Variants in MBP observed in about 807,000 individuals in gnomAD.
The protein encoded by MBP is myelin basic protein.
MBP carries 16 observed loss-of-function variants against 35.8 expected under a neutral mutation model. The ratio of observed to expected loss-of-function variants is 0.45; its 90% CI spans 0.30 to 0.68. The LOEUF (loss-of-function observed/expected upper bound fraction) is 0.68. Among genes scored for constraint, MBP ranks in the 30% least tolerant of loss-of-function variants. The probability of loss-of-function intolerance (pLI) is 0.08; values close to 1 mark genes in which losing one functional copy is unlikely to be tolerated. For missense variants in MBP, 380 were observed against 404.7 expected (o/e 0.94, Z 0.52); for synonymous variants, 143 against 159.6 (o/e 0.90, Z 0.78).
At chr18:76,987,265 T>G (rs1969611207) in intron 7 of MBP, 41 of 985,478 alleles carry the variant, frequency 4.2e-5, no homozygotes, top group Non-Finnish European at 4.8e-5. Context: ...ATTTCATTCT[T>G]CTATCATCTT....
At chr18:77,040,785 A>G (rs1478100503) in intron 3 of MBP, among the ~76,000 whole-genome samples, 1 of 152,260 alleles carries the variant, frequency 6.6e-6, no homozygotes, top group Admixed American at 6.5e-5. Flanking sequence ...TTAATTCAAG[A>G]TGGATTAAAG....
intron 3 of MBP, among the ~76,000 whole-genome samples, chr18:77,058,910 C>G (rs1184343691): frequency 1.3e-5 from 2 of 152,216 alleles, no homozygotes; most frequent in Non-Finnish European, 2.9e-5. Flanking sequence ...GAAAACACCT[C>G]CACCATATGG....
Position 77,020,375 on chromosome 18 carries a change from T to C in MBP, c.140-3107A>G, listed in dbSNP as rs1971942998. ...AGTGAGCAGTGGACAGATATTCTTCTACGTCGGTTTCCACAAAGGACCTCT... is the reference window on the plus strand; with the variant it reads ...AGTGAGCAGTGGACAGATATTCTTCCACGTCGGTTTCCACAAAGGACCTCT... On this transcript the variant is annotated intron_variant, in intron 3 of 8. Coordinates refer to ENST00000355994, the MANE Select transcript of MBP (RefSeq NM_001025101.2). This position sits in a 1 kb window ranked among gnomAD's most constrained non-coding sequence, Gnocchi z 4.1. Among the ~76,000 whole-genome samples, 1 of 152,194 alleles carries C rather than the reference T, an allele frequency of 6.6e-6. No individual in the cohort carries two copies. The highest frequency in any genetic ancestry group is 6.5e-5 in the Admixed American group (1 of 15,282).
intron 1 of MBP, among the ~76,000 whole-genome samples, chr18:77,118,736 TCA>T (rs902853404): frequency 1.5e-4 from 15 of 99,630 alleles, no homozygotes; most frequent in Non-Finnish European, 1.0e-4. Context: ...CACACACCCT[TCA>T]CAGACACCAC....
intron 3 of MBP, among the ~76,000 whole-genome samples, chr18:77,033,853 T>C (rs1972641654): frequency 6.6e-6 from 1 of 151,568 alleles, no homozygotes; most frequent in African/African-American, 2.4e-5. Flanking sequence ...CATCCATCCA[T>C]CCACATATCC....
rs549235280 is a variant in MBP at position 77,101,879 on chromosome 18, G to A, written c.51+3332C>T. 6.6e-6 allele frequency among the ~76,000 whole-genome samples: 1 copy of A among 152,264 alleles called. No homozygotes were observed. The highest frequency in any genetic ancestry group is 2.4e-5 in the African/African-American group (1 of 41,550). ...CCAACGGCACCTAAAGCCTGCTCAG[G>A]AAACTGAGCTTTTATGTGAAAAAGA... On this transcript the variant is annotated intron_variant, in intron 2 of 8. Coordinates refer to ENST00000355994, the MANE Select transcript of MBP (RefSeq NM_001025101.2). The surrounding 1 kb of genome is among the most constrained non-coding windows in gnomAD (Gnocchi z 4.3).
chr18:77,060,448 C>CTTT (rs74182682), intron 3 of MBP, among the ~76,000 whole-genome samples: 11,326 of 97,436 alleles, frequency 0.12, 981 homozygotes, highest in Non-Finnish European at 0.15. Flanking sequence ...TCTCTCTCTC[C>CTTT]TTTTTTTTTT....
intron 2 of MBP, among the ~76,000 whole-genome samples, chr18:77,084,431 C>CCACACACACACACACACA (rs60010988): frequency 9.4e-6 from 1 of 105,886 alleles, no homozygotes; most frequent in African/African-American, 3.5e-5. Flanking sequence ...CCACACCACA[C>CCACACACACACACACACA]CACACACACA....
intron 1 of MBP, among the ~76,000 whole-genome samples, chr18:77,123,497 A>T (rs552864294): frequency 6.6e-6 from 1 of 152,356 alleles, no homozygotes; most frequent in Non-Finnish European, 1.5e-5. Context: ...AGCTGTGTCG[A>T]CCTGGAAACA....
At chr18:77,105,392 T>TAC in intron 1 of MBP, 106 bp from the exon 2 acceptor site, 2 of 662,724 alleles carry the variant, frequency 3.0e-6, no homozygotes, top group Non-Finnish European at 5.5e-6. Flanking sequence ...AATGCCCATT[T>TAC]TTGAGAAGAC....
In MBP at chr18:76,980,169, G is replaced by A. The variant is rs1969098194; in HGVS notation, c.*258C>T. 2.7e-5 allele frequency: 17 copies of A among 638,914 alleles called. No homozygotes were observed. The highest frequency in any genetic ancestry group is 2.5e-5 in the Admixed American group (1 of 40,342). 39.6% of individuals were successfully genotyped at this position (638,914 alleles called of 1,614,324 possible). The stretch of plus-strand genomic sequence containing the variant: ...CCTGAAGACCCACGTGCGTCTGGGG[G>A]CACATTGCGGGGGAAGGAACGTGAT... On this transcript the variant is annotated 3_prime_UTR_variant, in exon 9 of 9. Coordinates refer to ENST00000355994, the MANE Select transcript of MBP (RefSeq NM_001025101.2).
At chr18:77,047,629 T>C (rs973245165) in intron 3 of MBP, among the ~76,000 whole-genome samples, 20 of 152,364 alleles carry the variant, frequency 1.3e-4, no homozygotes, top group Admixed American at 5.9e-4. Flanking sequence ...CTGAACTCTG[T>C]GGTTTGTAAA....
At chr18:77,072,109 C>G (rs1259883745) in intron 2 of MBP, among the ~76,000 whole-genome samples, 1 of 152,168 alleles carries the variant, frequency 6.6e-6, no homozygotes, top group African/African-American at 2.4e-5. Context: ...ATGCCAGCTG[C>G]TTGGCCTTTG....
intron 2 of MBP, among the ~76,000 whole-genome samples, chr18:77,081,953 G>A (rs926817692): frequency 1.4e-4 from 21 of 151,618 alleles, no homozygotes; most frequent in South Asian, 6.3e-4. Context: ...CCGGGTTCAC[G>A]CCATTCTCCT....
chr18:77,032,258 A>T (rs191872723), intron 3 of MBP, among the ~76,000 whole-genome samples: 1 of 152,302 alleles, frequency 6.6e-6, no homozygotes, highest in Admixed American at 6.5e-5. Flanking sequence ...GGGCAAAGGA[A>T]ACAAAAAGGG....
intron 3 of MBP, chr18:77,066,028 ATTTAT>A (rs376752604): frequency 1.3e-5 from 5 of 380,760 alleles, no homozygotes; most frequent in African/African-American, 1.0e-4. Context: ...TGGCTAATTT[ATTTAT>A]TTTATTTTTT....
chr18:76,982,927 A>G (rs1969291540), intron 8 of MBP: 1 of 152,232 alleles, frequency 6.6e-6, no homozygotes, highest in African/African-American at 2.4e-5. Context: ...AGCTTCTTAC[A>G]AAAAAGTTCA....
chr18:76,988,902 C>T lies in MBP; in HGVS notation c.692G>A (p.Arg231His), dbSNP rs1387496108. 6.2e-7 allele frequency: 1 copy of T among 1,613,902 alleles called. No homozygotes were observed. The highest frequency in any genetic ancestry group is 2.2e-5 in the East Asian group (1 of 44,854). ...CTTTCCCTGCGACGGGGGTGGTGTG[C>T]GAGGCGTCACCTGGAAAGACACAGA... ...VHFFKNIVTPRTPPPSQGKGR... is the reference protein window; with the variant it reads ...VHFFKNIVTPHTPPPSQGKGR... The change falls in exon 6 of 9, where the codon CGC (arginine) becomes CAC (histidine). Residue 231 changes from arginine to histidine, a missense_variant. Transcript: ENST00000355994. This position sits in a 1 kb window ranked among gnomAD's most constrained non-coding sequence, Gnocchi z 5.2.
chr18:77,067,102 A>C (rs1974230537), intron 2 of MBP, among the ~76,000 whole-genome samples: 1 of 152,232 alleles, frequency 6.6e-6, no homozygotes, highest in East Asian at 1.9e-4. Context: ...ATTTGTAATC[A>C]ATTTTACTTA....
Sources: allele counts gnomAD v4.1 joint callset (sites outside exome capture counted in the v4.1 genomes callset), GRCh38; gene constraint gnomAD v4.1.1; non-coding constraint Gnocchi (gnomAD v3.1); transcripts MANE v1.5; gene names NCBI Gene and HGNC (gene_info 2026-07-23, HGNC 2026-07-21).